NDUFAF5: variants seen among roughly 807,000 people sequenced by gnomAD.
NDUFAF5 encodes the protein arginine-hydroxylase NDUFAF5, mitochondrial.
A neutral mutation model predicts 48.9 loss-of-function variants in NDUFAF5; 34 were observed. The observed-to-expected ratio is 0.70, with a 90% CI of 0.53 to 0.93. The LOEUF is 0.93. NDUFAF5 is among the 40% of genes least tolerant of loss of function. The pLI is 0.00. For synonymous variants in NDUFAF5, 153 were observed against 150.6 expected (o/e 1.02, Z -0.12); for missense variants, 428 against 427.5 (o/e 1.00, Z -0.01).
chr20:13,788,698 C>T (rs751883772), intron 3 of NDUFAF5, 46 bp downstream of exon 3: 1 of 1,266,234 alleles, frequency 7.9e-7, no homozygotes, highest in Non-Finnish European at 1.2e-6. Flanking sequence ...GTAACATTGG[C>T]TAATTTTAAA....
rs767699787 is a variant in NDUFAF5, at chr20:13,816,878, T to C, written c.866T>C (p.Met289Thr). 7 of 1,601,844 alleles carry C rather than the reference T, an allele frequency of 4.4e-6. No homozygotes were observed. The highest frequency in any genetic ancestry group is 1.3e-5 in the African/African-American group (1 of 74,800). Reference protein sequence around the residue: ...MLAAAAVYREMYRNEDGSVPA... With the variant: ...MLAAAAVYRETYRNEDGSVPA... Reference sequence around the variant, plus strand: ...TTAACCATTATTGTCTTTTTAGAAATGTACAGAAATGAAGATGGTTCAGTA... The same window carrying C: ...TTAACCATTATTGTCTTTTTAGAAACGTACAGAAATGAAGATGGTTCAGTA... Residue 289 changes from methionine to threonine, a missense_variant, in exon 10 of 11, where the codon ATG becomes ACG. Coordinates refer to ENST00000378106, the MANE Select transcript of NDUFAF5 (RefSeq NM_024120.5).
rs1316791653 is a variant in NDUFAF5 at position 13,785,085 on chromosome 20, G to C, written c.17G>C (p.Gly6Ala). 2 of 1,612,390 alleles carry C rather than the reference G, an allele frequency of 1.2e-6. No individual in the cohort carries two copies. Among genetic ancestry groups the C allele is most frequent in the South Asian group, 1.1e-5 (1 of 90,996 alleles). The change falls in exon 1 of 11, where the codon GGG becomes GCG. Residue 6 changes from glycine (G) to alanine (A), a missense_variant. Physicochemically the swap from Gly to Ala is moderately conservative, Grantham distance 60. Transcript: ENST00000378106. ...CAGCTGGAGATGCTGCGGCCGGCAG[G>C]GCTCTGGCGCTTATGTCGGCGACCT... MLRPA[G>A]LWRLCRRPWA...
intron 8 of NDUFAF5, among the ~76,000 whole-genome samples, chr20:13,810,165 A>G (rs1449052386): frequency 6.6e-6 from 1 of 152,188 alleles, no homozygotes; most frequent in Non-Finnish European, 1.5e-5. Flanking sequence ...TAGGATAAGA[A>G]CATGGAGTGA....
At chr20:13,807,841 C>T (rs34669749) in intron 7 of NDUFAF5, among the ~76,000 whole-genome samples, 10,982 of 151,668 alleles carry the variant, frequency 0.072, 435 homozygotes, top group Non-Finnish European at 0.087. Flanking sequence ...CCCAGCTACT[C>T]GGGAGGCTGA....
intron 5 of NDUFAF5, among the ~76,000 whole-genome samples, chr20:13,796,716 C>T (rs911921839): frequency 4.6e-5 from 7 of 152,186 alleles, no homozygotes; most frequent in Non-Finnish European, 1.0e-4. Flanking sequence ...CGGTGGCTCA[C>T]GCCTATAATC....
chr20:13,786,034 T>C (rs1981038445), intron 1 of NDUFAF5, among the ~76,000 whole-genome samples: 1 of 152,202 alleles, frequency 6.6e-6, no homozygotes, highest in South Asian at 2.1e-4. Flanking sequence ...AAGATCAAAT[T>C]AAGATTTCTG....
intron 3 of NDUFAF5, among the ~76,000 whole-genome samples, chr20:13,792,567 AT>A: frequency 6.6e-6 from 1 of 152,208 alleles, no homozygotes; most frequent in African/African-American, 2.4e-5. Context: ...GAGGGAGGAG[AT>A]TTTTTGTAAT....
intron 7 of NDUFAF5, among the ~76,000 whole-genome samples, chr20:13,803,802 G>C (rs7261734): frequency 0.073 from 11,060 of 150,774 alleles, 438 homozygotes; most frequent in Non-Finnish European, 0.088. Flanking sequence ...TTTTTTTTGG[G>C]GGGGGGACAG....
intron 8 of NDUFAF5, among the ~76,000 whole-genome samples, chr20:13,814,871 A>C (rs1986283355): frequency 6.6e-6 from 1 of 152,072 alleles, no homozygotes; most frequent in Non-Finnish European, 1.5e-5. Flanking sequence ...TCTTTCCACC[A>C]CCCTCACACT....
chr20:13,787,409 A>G (rs966772354), intron 2 of NDUFAF5, 57 bp downstream of exon 2: 3 of 1,508,182 alleles, frequency 2.0e-6, no homozygotes, highest in Non-Finnish European at 2.8e-6. Context: ...AATTCAGGAG[A>G]TTAAATGCTG....
intron 5 of NDUFAF5, among the ~76,000 whole-genome samples, chr20:13,797,654 AT>A (rs1343104438): frequency 6.6e-6 from 1 of 152,208 alleles, no homozygotes; most frequent in Non-Finnish European, 1.5e-5. Flanking sequence ...CTATTATAAT[AT>A]TGGATATATG....
chr20:13,804,011 C>G (rs1407519406), intron 7 of NDUFAF5, among the ~76,000 whole-genome samples: 3 of 152,176 alleles, frequency 2.0e-5, no homozygotes, highest in African/African-American at 4.8e-5. Context: ...GTCTCGAACT[C>G]TTGACCTCAA....
rs1359245686 is a variant in NDUFAF5, at chr20:13,818,806, G to A, written c.*1596G>A. The A allele has an allele frequency of 6.5e-6, 1 of 155,012 alleles. No homozygotes were observed. The highest frequency in any genetic ancestry group is 2.0e-4 in the South Asian group (1 of 5,016). The allele number at this position is 155,012 out of a possible 1,614,324, so 9.6% of individuals were successfully genotyped here. On this transcript the variant is annotated 3_prime_UTR_variant, in exon 11 of 11. Transcript: ENST00000378106. ...TTAAGTGGCTGTTGCTGAGGAAGGG[G>A]ACTGAGGAACTGGGTGTGTCTGTGT...
chr20:13,803,593 C>G (rs1179834809), intron 7 of NDUFAF5, among the ~76,000 whole-genome samples: 1 of 152,148 alleles, frequency 6.6e-6, no homozygotes, highest in East Asian at 1.9e-4. Flanking sequence ...GTCTCAGGAC[C>G]CCACTACACA....
rs1986807665 is a variant in NDUFAF5 at position 13,819,121 on chromosome 20, G to A, written c.*1911G>A. On this transcript the variant is annotated 3_prime_UTR_variant, in exon 11 of 11. Coordinates refer to ENST00000378106, the MANE Select transcript of NDUFAF5 (RefSeq NM_024120.5). Reference sequence around the variant, plus strand: ...TTGTAGTGAAAACACTTATTTTAGTGTGTATAACACTAGTGAAATTATTTT... The same window carrying A: ...TTGTAGTGAAAACACTTATTTTAGTATGTATAACACTAGTGAAATTATTTT... The A allele has an allele frequency of 6.6e-6, 1 of 152,178 alleles. No homozygotes were observed. The highest frequency in any genetic ancestry group is 1.5e-5 in the Non-Finnish European group (1 of 68,038). The allele number at this position is 152,178 out of a possible 1,614,324, so 9.4% of individuals were successfully genotyped here.
At position 13,794,908 on chromosome 20, in the gene NDUFAF5, A is replaced by G; in HGVS notation, c.446A>G (p.Glu149Gly). 3 of 1,613,014 alleles carry G rather than the reference A, an allele frequency of 1.9e-6. No individual in the cohort carries two copies. The highest frequency in any genetic ancestry group is 2.2e-5 in the South Asian group (2 of 91,044). Residue 149 changes from glutamate (E) to glycine (G), a missense_variant, in exon 5 of 11, where the codon GAA (glutamate) becomes GGA (glycine). Transcript: ENST00000378106. ...LADEEFLPFK[E>G]NTFDLVVSSL... ...GATGAAGAATTCCTTCCCTTCAAAG[A>G]AAATACATTTGACCTGGTGGTTAGC...
chr20:13,797,470 T>G (rs1361774131), intron 5 of NDUFAF5, among the ~76,000 whole-genome samples: 2 of 152,184 alleles, frequency 1.3e-5, no homozygotes, highest in Non-Finnish European at 2.9e-5. Flanking sequence ...TATTACTGAA[T>G]GACAGAAGCT....
intron 3 of NDUFAF5, among the ~76,000 whole-genome samples, 189 bp downstream of exon 3, chr20:13,788,841 A>G (rs1006592954): frequency 6.6e-6 from 1 of 151,944 alleles, no homozygotes; most frequent in African/African-American, 2.4e-5. Context: ...TTTTTCTTAA[A>G]GGGTTTTTCT....
At position 13,816,858 on chromosome 20, in the gene NDUFAF5, C is replaced by T. The variant is rs764364833; in HGVS notation, c.863-17C>T. The T allele has an allele frequency of 1.3e-6, 2 of 1,564,842 alleles. No individual in the cohort carries two copies. The highest frequency in any genetic ancestry group is 1.8e-6 in the Non-Finnish European group (2 of 1,135,424). On this transcript the variant is annotated splice_polypyrimidine_tract_variant and intron_variant, in intron 9 of 10. Coordinates refer to ENST00000378106, the MANE Select transcript of NDUFAF5 (RefSeq NM_024120.5). ...TACTTGCATTTTTTCAGACTTTAAC[C>T]ATTATTGTCTTTTTAGAAATGTACA...
Sources: allele counts gnomAD v4.1 joint callset (sites outside exome capture counted in the v4.1 genomes callset), GRCh38; gene constraint gnomAD v4.1.1; transcripts MANE v1.5; gene names NCBI Gene and HGNC (gene_info 2026-07-23, HGNC 2026-07-21).